Variants in KIF4A observed in about 807,000 individuals in gnomAD.
The protein encoded by KIF4A is kinesin family member 4A, also known as chromosome-associated kinesin KIF4A.
In KIF4A, 7 loss-of-function variants were observed where a neutral mutation model predicts 105.9. The ratio of observed to expected loss-of-function variants is 0.07; its 90% CI spans 0.04 to 0.12. KIF4A has a LOEUF of 0.12. Ranked by LOEUF, KIF4A falls within the 10% of genes least tolerant of loss-of-function variation. The pLI, the probability that KIF4A is intolerant of heterozygous loss-of-function variation, is 1.00. For synonymous variants in KIF4A, 281 were observed against 331.3 expected (o/e 0.85, Z 1.65); for missense variants, 558 against 929.2 (o/e 0.60, Z 5.19).
intron 30 of KIF4A, 54 bp downstream of exon 30, chrX:70,419,837 A>G: frequency 3.4e-6 from 4 of 1,192,294 alleles, no homozygotes; most frequent in Non-Finnish European, 4.5e-6. Context: ...CCTTCTCTGC[A>G]TTATCTATGA....
chrX:70,390,900 G>T (rs1018873721), intron 20 of KIF4A, among the ~76,000 whole-genome samples: 1 of 111,736 alleles, frequency 8.9e-6, no homozygotes, highest in East Asian at 2.8e-4. Flanking sequence ...AGCATAATTC[G>T]AGATTAATTT....
chrX:70,361,594 C>G lies in KIF4A; in HGVS notation c.1674+7787C>G, dbSNP rs748545189. 4.8e-5 allele frequency: 8 copies of G among 167,032 alleles called. No individual in the cohort carries two copies. The East Asian group carries it at 1.1e-3, about 22-fold the overall frequency. 13.8% of individuals were successfully genotyped at this position (167,032 alleles called of 1,213,427 possible). A position where few individuals can be genotyped will look rare whatever the true frequency, so the allele number is the denominator to read the frequency against. ...GAGCTGTGTTGGAGGAATTCACCAC[C>G]ATGACAAACTTCACCTTGGAGATGG... On this transcript the variant is annotated intron_variant, in intron 15 of 30. Coordinates refer to ENST00000374403, the MANE Select transcript of KIF4A (RefSeq NM_012310.5).
intron 15 of KIF4A, among the ~76,000 whole-genome samples, chrX:70,368,159 T>C (rs968391107): frequency 2.7e-5 from 3 of 111,807 alleles, no homozygotes; most frequent in African/African-American, 9.8e-5. Context: ...TGTCTAATCT[T>C]TTTTCAAGGT....
intron 8 of KIF4A, among the ~76,000 whole-genome samples, chrX:70,329,897 G>C (rs1046743600): frequency 9.0e-5 from 10 of 111,429 alleles, no homozygotes; most frequent in African/African-American, 2.9e-4. Flanking sequence ...ACTTAGGCCA[G>C]GCCCCAGTTG....
intron 9 of KIF4A, among the ~76,000 whole-genome samples, chrX:70,332,612 T>A (rs1381543671): frequency 8.9e-6 from 1 of 111,732 alleles, no homozygotes; most frequent in African/African-American, 3.3e-5. Context: ...AGGATGCTTT[T>A]GTTTTTAAGA....
chrX:70,313,040 A>G (rs553144374), intron 7 of KIF4A, among the ~76,000 whole-genome samples: 2 of 111,812 alleles, frequency 1.8e-5, no homozygotes, highest in South Asian at 7.5e-4. Flanking sequence ...ATAGTTCTAT[A>G]TATACCTATT....
chrX:70,308,411 A>G (rs1435857377), intron 7 of KIF4A, among the ~76,000 whole-genome samples: 1 of 112,530 alleles, frequency 8.9e-6, no homozygotes, highest in Non-Finnish European at 1.9e-5. Flanking sequence ...AGATGAAGAT[A>G]AAATCTACCT....
At chrX:70,406,858 T>G in intron 27 of KIF4A, 35 bp from the exon 28 acceptor site, 1 of 1,186,657 alleles carries the variant, frequency 8.4e-7, no homozygotes, top group Non-Finnish European at 1.1e-6. Flanking sequence ...TAGTTTTTAT[T>G]AAATAACTAA....
At chrX:70,310,311 T>TTGTGTG (rs1555945529) in intron 7 of KIF4A, among the ~76,000 whole-genome samples, 1,227 of 86,249 alleles carry the variant, frequency 0.014, 17 homozygotes, top group African/African-American at 0.033. Flanking sequence ...CTCAAAATGG[T>TTGTGTG]TGTGTGTGTG....
chrX:70,419,636 A>G, intron 29 of KIF4A, 25 bp from the exon 30 acceptor site: 1 of 1,208,918 alleles, frequency 8.3e-7, no homozygotes, highest in East Asian at 3.0e-5. Context: ...CAAATTTATA[A>G]TATGCCTGTC....
chrX:70,367,976 A>C (rs909246459), intron 15 of KIF4A, among the ~76,000 whole-genome samples: 6 of 111,002 alleles, frequency 5.4e-5, no homozygotes, highest in South Asian at 7.6e-4. Flanking sequence ...CTCTATACTT[A>C]TCTTCTCGCT....
intron 9 of KIF4A, among the ~76,000 whole-genome samples, chrX:70,331,095 A>G (rs1325747820): frequency 9.0e-6 from 1 of 111,720 alleles, no homozygotes; most frequent in Non-Finnish European, 1.9e-5. Context: ...CTCACTGGCT[A>G]TGTACCTTGG....
At chrX:70,353,462 A>G (rs1425540015) in intron 14 of KIF4A, among the ~76,000 whole-genome samples, 160 bp from the exon 15 acceptor site, 1 of 112,395 alleles carries the variant, frequency 8.9e-6, no homozygotes, top group Non-Finnish European at 1.9e-5. Flanking sequence ...TAGGCTAGCT[A>G]TTTATTTCAG....
intron 28 of KIF4A, chrX:70,415,425 C>T: frequency 4.8e-6 from 1 of 207,194 alleles, no homozygotes; most frequent in Non-Finnish European, 8.9e-6. Flanking sequence ...GCCTGGGCAA[C>T]ATGGCGAGAC....
At chrX:70,373,421 C>G (rs1222943207) in intron 15 of KIF4A, among the ~76,000 whole-genome samples, 1 of 90,489 alleles carries the variant, frequency 1.1e-5, no homozygotes, top group Non-Finnish European at 2.2e-5. Flanking sequence ...TGGTGGCACA[C>G]ACCTGTAATC....
chrX:70,347,770 T>A (rs1323458602), intron 13 of KIF4A, among the ~76,000 whole-genome samples: 1 of 100,361 alleles, frequency 1.0e-5, no homozygotes, highest in Non-Finnish European at 2.0e-5. Context: ...GGTCAGGAGA[T>A]CGAGACCATC....
chrX:70,397,140 G>C (rs1305750358), intron 22 of KIF4A, among the ~76,000 whole-genome samples: 1 of 111,580 alleles, frequency 9.0e-6, no homozygotes, highest in Non-Finnish European at 1.9e-5. Flanking sequence ...GGAGGCCAAG[G>C]CAGGCAGATC....
rs2085751699 is a variant in KIF4A, at chrX:70,290,138, G to A, written c.-34G>A. ...GGAGGCCCAGGGAGAACGGGGAAGGGACATTTAGTTTGGTGAGTTACGGGG... is the reference window on the plus strand; with the variant it reads ...GGAGGCCCAGGGAGAACGGGGAAGGAACATTTAGTTTGGTGAGTTACGGGG... On this transcript the variant is annotated 5_prime_UTR_variant, in exon 1 of 31. Coordinates refer to ENST00000374403, the MANE Select transcript of KIF4A (RefSeq NM_012310.5). 1 of 196,147 alleles carries A rather than the reference G, an allele frequency of 5.1e-6. No homozygotes were observed. The highest frequency in any genetic ancestry group is 2.9e-5 in the African/African-American group (1 of 34,162). The allele number at this position is 196,147 out of a possible 1,213,427, so 16.2% of individuals were successfully genotyped here. A position where few individuals can be genotyped will look rare whatever the true frequency, so the allele number is the denominator to read the frequency against.
At chrX:70,296,830 G>A (rs1394436470) in intron 3 of KIF4A, among the ~76,000 whole-genome samples, 168 bp from the exon 4 acceptor site, 4 of 112,443 alleles carry the variant, frequency 3.6e-5, no homozygotes, top group African/African-American at 9.7e-5. Context: ...TTTGAGTAGT[G>A]CAAGGTCATG....
Sources: allele counts gnomAD v4.1 joint callset (sites outside exome capture counted in the v4.1 genomes callset), GRCh38; gene constraint gnomAD v4.1.1; transcripts MANE v1.5; gene names NCBI Gene and HGNC (gene_info 2026-07-23, HGNC 2026-07-21).